Variants in BTBD10 observed in about 807,000 individuals in gnomAD.
BTBD10 encodes BTB domain containing 10.
Under a neutral mutation model 53.2 loss-of-function variants are expected in BTBD10, and 21 were observed. That is an observed-to-expected ratio of 0.39 (90% CI 0.28 to 0.57). The LOEUF (loss-of-function observed/expected upper bound fraction) is 0.57. Ranked by LOEUF, BTBD10 falls within the 20% of genes least tolerant of loss-of-function variation. BTBD10 has a pLI of 0.53. For synonymous variants in BTBD10, 149 were observed against 192.7 expected (o/e 0.77, Z 1.88); for missense variants, 360 against 594.7 (o/e 0.61, Z 4.10).
intron 1 of BTBD10, among the ~76,000 whole-genome samples, chr11:13,451,453 CAAATTCT>C (rs1353100590): frequency 6.6e-6 from 1 of 152,040 alleles, no homozygotes; most frequent in Non-Finnish European, 1.5e-5. Context: ...AATCTCTGCC[CAAATTCT>C]TGGCTGACCA....
chr11:13,427,156 G>A (rs1486363305), intron 2 of BTBD10, among the ~76,000 whole-genome samples: 2 of 152,170 alleles, frequency 1.3e-5, no homozygotes, highest in Non-Finnish European at 2.9e-5. Flanking sequence ...GGTCAAGGCT[G>A]CAGTGAGCGG....
intron 4 of BTBD10, 71 bp downstream of exon 4, chr11:13,419,389 C>G: frequency 7.7e-6 from 12 of 1,551,240 alleles, no homozygotes; most frequent in Non-Finnish European, 1.0e-5. Flanking sequence ...TACTGTAAAA[C>G]TTAAACAAAA....
chr11:13,450,636 C>T (rs1950839852), intron 1 of BTBD10, among the ~76,000 whole-genome samples: 1 of 152,148 alleles, frequency 6.6e-6, no homozygotes, highest in Admixed American at 6.5e-5. Context: ...GAGAACTGAA[C>T]AGTCATTTTT....
intron 2 of BTBD10, among the ~76,000 whole-genome samples, chr11:13,444,465 A>G (rs531715018): frequency 2.6e-5 from 4 of 152,326 alleles, no homozygotes; most frequent in African/African-American, 9.6e-5. Flanking sequence ...GCAGAAAATG[A>G]AAGTTTTAAA....
At chr11:13,417,288 G>GT in intron 4 of BTBD10, 28 bp from the exon 5 acceptor site, 1 of 1,484,874 alleles carries the variant, frequency 6.7e-7, no homozygotes, top group Non-Finnish European at 9.3e-7. Flanking sequence ...TGAGAAATAC[G>GT]TCAATAGAAT....
chr11:13,448,963 T>G (rs1950798746), intron 1 of BTBD10, among the ~76,000 whole-genome samples: 2 of 152,106 alleles, frequency 1.3e-5, no homozygotes, highest in Non-Finnish European at 2.9e-5. Flanking sequence ...AGAAATAAAT[T>G]TAAATTCAAA....
chr11:13,405,621 G>T, intron 7 of BTBD10, 38 bp downstream of exon 7: 1 of 1,604,296 alleles, frequency 6.2e-7, no homozygotes, highest in Non-Finnish European at 8.5e-7. Flanking sequence ...AATAATTCGT[G>T]ATGATTCAGG....
At chr11:13,451,545 G>A (rs970806693) in intron 1 of BTBD10, among the ~76,000 whole-genome samples, 10 of 152,270 alleles carry the variant, frequency 6.6e-5, no homozygotes. Context: ...TAAGTAGTTG[G>A]AAGAAGTAAG....
intron 6 of BTBD10, among the ~76,000 whole-genome samples, chr11:13,406,984 A>G (rs758148353): frequency 5.9e-5 from 9 of 152,074 alleles, no homozygotes; most frequent in Non-Finnish European, 1.3e-4. Context: ...CATTCTCACT[A>G]TACTACAAAA....
chr11:13,401,158 C>G (rs1042227764), intron 8 of BTBD10, among the ~76,000 whole-genome samples: 3 of 150,204 alleles, frequency 2.0e-5, no homozygotes, highest in African/African-American at 7.3e-5. Flanking sequence ...TATATACACA[C>G]ACACATATAA....
chr11:13,452,069 G>A (rs1014057767), intron 1 of BTBD10, among the ~76,000 whole-genome samples: 3 of 152,120 alleles, frequency 2.0e-5, no homozygotes, highest in Non-Finnish European at 4.4e-5. Flanking sequence ...ATAGAATAAA[G>A]AGCAAGAAAG....
chr11:13,454,188 T>C (rs1415532289), intron 1 of BTBD10, among the ~76,000 whole-genome samples: 1 of 152,244 alleles, frequency 6.6e-6, no homozygotes, highest in Non-Finnish European at 1.5e-5. Flanking sequence ...AAGAATACTG[T>C]CATATACCTG....
chr11:13,421,872 G>A, intron 2 of BTBD10, 34 bp from the exon 3 acceptor site: 1 of 1,532,728 alleles, frequency 6.5e-7, no homozygotes. Context: ...AACCATAAAA[G>A]CAGAACATAA....
At chr11:13,422,318 C>T (rs1950259117) in intron 2 of BTBD10, among the ~76,000 whole-genome samples, 1 of 151,988 alleles carries the variant, frequency 6.6e-6, no homozygotes, top group Non-Finnish European at 1.5e-5. Flanking sequence ...TGAGCCTTTT[C>T]AAAACACTAT....
At chr11:13,409,977 C>T (rs1949904828) in intron 6 of BTBD10, among the ~76,000 whole-genome samples, 1 of 152,080 alleles carries the variant, frequency 6.6e-6, no homozygotes, top group Non-Finnish European at 1.5e-5. Flanking sequence ...AAGAATGATA[C>T]AGTGGACTCT....
chr11:13,399,024 G>A (rs1182527518), intron 8 of BTBD10, among the ~76,000 whole-genome samples: 1 of 151,820 alleles, frequency 6.6e-6, no homozygotes, highest in Non-Finnish European at 1.5e-5. Context: ...ACGTGTCTTG[G>A]AGTTAGTTGC....
intron 6 of BTBD10, among the ~76,000 whole-genome samples, chr11:13,411,596 T>A (rs1485926321): frequency 6.6e-6 from 1 of 152,168 alleles, no homozygotes; most frequent in Non-Finnish European, 1.5e-5. Context: ...ATAAAACCCT[T>A]ACTTTTAATC....
At chr11:13,431,967 C>A (rs553017640) in intron 2 of BTBD10, among the ~76,000 whole-genome samples, 1 of 151,758 alleles carries the variant, frequency 6.6e-6, no homozygotes, top group African/African-American at 2.4e-5. Context: ...TAACAAAATC[C>A]AAGCCATTTT....
intron 8 of BTBD10, among the ~76,000 whole-genome samples, chr11:13,401,801 C>T (rs1034329787): frequency 6.6e-6 from 1 of 152,062 alleles, no homozygotes; most frequent in African/African-American, 2.4e-5. Context: ...CCTATAAGAC[C>T]CTGCATCTTC....
Sources: gnomAD v4.1 joint callset for allele counts (sites outside exome capture counted in the v4.1 genomes callset) on GRCh38, gnomAD v4.1.1 for gene constraint, MANE v1.5 for transcripts, NCBI Gene and HGNC (gene_info 2026-07-23, HGNC 2026-07-21) for gene names.